Variants in ARB2A observed in about 807,000 individuals in gnomAD.
ARB2A encodes the protein ARB2 cotranscriptional regulator A.
chr5:93,836,674 C>T, the ARB2A span, among the ~76,000 whole-genome samples: 191 of 152,108 alleles, frequency 1.3e-3, 1 homozygote, highest in East Asian at 8.1e-3. Context: ...AAATTGTATG[C>T]ATTTGTATTT....
At chr5:93,837,500 C>T in the ARB2A span, among the ~76,000 whole-genome samples, 1 of 151,870 alleles carries the variant, frequency 6.6e-6, no homozygotes, top group Non-Finnish European at 1.5e-5. Context: ...TACATTCCAC[C>T]ATAAAAATAA....
At chr5:94,080,120 C>T in the ARB2A span, among the ~76,000 whole-genome samples, 2 of 152,020 alleles carry the variant, frequency 1.3e-5, no homozygotes, top group Admixed American at 1.3e-4. Flanking sequence ...TATGGGAAAA[C>T]TATGGCCAAA....
the ARB2A span, among the ~76,000 whole-genome samples, chr5:93,882,310 C>T: frequency 6.6e-6 from 1 of 151,258 alleles, no homozygotes; most frequent in Non-Finnish European, 1.5e-5. Context: ...CCAGAAAAAT[C>T]ATGTAGCAAA....
the ARB2A span, among the ~76,000 whole-genome samples, chr5:93,879,639 A>G: frequency 6.6e-6 from 1 of 151,886 alleles, no homozygotes; most frequent in Non-Finnish European, 1.5e-5. Context: ...TGTGAAAAAC[A>G]GAATAAAGAA....
At chr5:93,983,097 T>C in the ARB2A span, among the ~76,000 whole-genome samples, 1 of 152,120 alleles carries the variant, frequency 6.6e-6, no homozygotes, top group South Asian at 2.1e-4. Flanking sequence ...GACAATATTT[T>C]AATCTTACGG....
the ARB2A span, among the ~76,000 whole-genome samples, chr5:93,955,686 T>A: frequency 2.0e-5 from 3 of 152,272 alleles, no homozygotes; most frequent in East Asian, 5.8e-4. Flanking sequence ...TTCACAAATA[T>A]AACTGCCATC....
the ARB2A span, among the ~76,000 whole-genome samples, chr5:93,972,846 C>G: frequency 2.8e-4 from 43 of 151,408 alleles, no homozygotes; most frequent in East Asian, 6.6e-3. Context: ...AAGGTCAAAG[C>G]AGGAGGATCT....
At chr5:93,667,417 A>G in the ARB2A span, among the ~76,000 whole-genome samples, 1 of 152,196 alleles carries the variant, frequency 6.6e-6, no homozygotes, top group African/African-American at 2.4e-5. Flanking sequence ...TTAGCTATTC[A>G]GAGTATTCTT....
At chr5:94,039,135 A>G in the ARB2A span, among the ~76,000 whole-genome samples, 3 of 152,364 alleles carry the variant, frequency 2.0e-5, no homozygotes, top group African/African-American at 7.2e-5. Context: ...GGAAAGTTAC[A>G]TAAGAACTCA....
the ARB2A span, among the ~76,000 whole-genome samples, chr5:93,823,885 T>C: frequency 6.6e-6 from 1 of 151,814 alleles, no homozygotes; most frequent in Admixed American, 6.6e-5. Context: ...AACCAGGGAG[T>C]CAGAGGTTGC....
the ARB2A span, among the ~76,000 whole-genome samples, chr5:93,893,030 G>A: frequency 1.3e-5 from 2 of 152,076 alleles, no homozygotes; most frequent in African/African-American, 2.4e-5. Flanking sequence ...CAACAGTTCC[G>A]ATTAAATTGA....
At chr5:93,978,607 A>C in the ARB2A span, among the ~76,000 whole-genome samples, 3 of 151,930 alleles carry the variant, frequency 2.0e-5, no homozygotes, top group South Asian at 6.2e-4. Flanking sequence ...ACACTAGGGA[A>C]TGCAAAAGTA....
the ARB2A span, among the ~76,000 whole-genome samples, chr5:93,844,203 G>C: frequency 2.0e-5 from 3 of 152,058 alleles, no homozygotes; most frequent in Non-Finnish European, 4.4e-5. Flanking sequence ...CAGCACTTTG[G>C]GAGGCCCAGG....
chr5:93,824,329 C>A, the ARB2A span: 2 of 1,220,854 alleles, frequency 1.6e-6, no homozygotes, highest in Middle Eastern at 2.1e-4. Context: ...TAGCAAACAA[C>A]AATTAAATTA....
chr5:94,098,079 T>A, the ARB2A span, among the ~76,000 whole-genome samples: 1 of 152,172 alleles, frequency 6.6e-6, no homozygotes, highest in East Asian at 1.9e-4. Flanking sequence ...AGTGCTGAGC[T>A]GAACCTTGGT....
At chr5:93,713,091 A>T in the ARB2A span, among the ~76,000 whole-genome samples, 2 of 152,216 alleles carry the variant, frequency 1.3e-5, no homozygotes, top group Non-Finnish European at 2.9e-5. Context: ...AAGAGCCAAA[A>T]CTATGAGCCT....
chr5:93,910,656 T>C, the ARB2A span: 1 of 151,458 alleles, frequency 6.6e-6, no homozygotes, highest in South Asian at 2.1e-4. Context: ...TGTTCAGATA[T>C]AATATATGTG....
the ARB2A span, among the ~76,000 whole-genome samples, chr5:94,070,924 C>G: frequency 6.6e-6 from 1 of 152,048 alleles, no homozygotes; most frequent in South Asian, 2.1e-4. Context: ...ACTAAGAGAA[C>G]TCTCATACAT....
the ARB2A span, among the ~76,000 whole-genome samples, chr5:93,943,964 A>G: frequency 5.3e-5 from 8 of 152,082 alleles, no homozygotes; most frequent in Non-Finnish European, 1.2e-4. Flanking sequence ...AAACTAAAAA[A>G]CTCTAACTCA....
Sources: allele counts gnomAD v4.1 joint callset (sites outside exome capture counted in the v4.1 genomes callset), GRCh38; gene constraint gnomAD v4.1.1; transcripts MANE v1.5; gene names NCBI Gene and HGNC (gene_info 2026-07-23, HGNC 2026-07-21).